Variants in NCOA2 observed in about 807,000 individuals in gnomAD.
NCOA2 encodes class E basic helix-loop-helix protein 75.
In NCOA2, 21 loss-of-function variants were observed where a neutral mutation model predicts 145.1. The ratio of observed to expected loss-of-function variants is 0.14; its 90% CI spans 0.10 to 0.21. The LOEUF (loss-of-function observed/expected upper bound fraction) is 0.21. Among genes scored for constraint, NCOA2 ranks in the 10% least tolerant of loss-of-function variants. The pLI is 1.00. For missense variants in NCOA2, 1,472 were observed against 1,837.6 expected, an observed-to-expected ratio of 0.80 and a Z score of 3.64; for synonymous variants, 619 against 637.5, an observed-to-expected ratio of 0.97 and a Z score of 0.44.
At chr8:70,286,122 A>G (rs1826214182) in intron 2 of NCOA2, among the ~76,000 whole-genome samples, 2 of 152,204 alleles carry the variant, frequency 1.3e-5, no homozygotes, top group African/African-American at 2.4e-5. Flanking sequence ...TGTATAAAAA[A>G]TATTTCCAGG....
At chr8:70,136,422 T>C (rs2131683831) in intron 15 of NCOA2, among the ~76,000 whole-genome samples, 1 of 152,238 alleles carries the variant, frequency 6.6e-6, no homozygotes, top group East Asian at 1.9e-4. Flanking sequence ...AGGAAGTCTT[T>C]CATGAAAGAC....
intron 2 of NCOA2, among the ~76,000 whole-genome samples, chr8:70,236,510 T>G (rs1287053033): frequency 6.6e-6 from 1 of 152,076 alleles, no homozygotes; most frequent in Non-Finnish European, 1.5e-5. Context: ...TATCTTGTCC[T>G]TTTGGGTAAC....
chr8:70,179,709 T>A (rs1815263431), intron 4 of NCOA2, among the ~76,000 whole-genome samples: 1 of 152,176 alleles, frequency 6.6e-6, no homozygotes, highest in African/African-American at 2.4e-5. Flanking sequence ...TAAAAATATA[T>A]TCTGTTACAA....
At chr8:70,449,143 T>C in the NCOA2 span, among the ~76,000 whole-genome samples, 1 of 152,148 alleles carries the variant, frequency 6.6e-6, no homozygotes, top group Non-Finnish European at 1.5e-5. Context: ...TTTCTCAAAA[T>C]GAAGTCAACT....
chr8:70,213,758 T>G (rs1451610776), intron 4 of NCOA2, 145 bp downstream of exon 4: 1 of 704,578 alleles, frequency 1.4e-6, no homozygotes, highest in African/African-American at 1.8e-5. Flanking sequence ...CAAGTGATAC[T>G]TGCATTCATC....
chr8:70,144,618 G>A, intron 13 of NCOA2, 24 bp downstream of exon 13: 1 of 1,578,804 alleles, frequency 6.3e-7, no homozygotes, highest in South Asian at 1.1e-5. Context: ...CACCAATAAA[G>A]TAACAGTGCA....
the NCOA2 span, among the ~76,000 whole-genome samples, chr8:70,426,485 G>A: frequency 0.1 from 15,799 of 152,122 alleles, 939 homozygotes; most frequent in East Asian, 0.19. Flanking sequence ...TATAAACTAA[G>A]AACTGACTAA....
chr8:70,149,350 T>C (rs1811490336), intron 11 of NCOA2, among the ~76,000 whole-genome samples: 1 of 151,698 alleles, frequency 6.6e-6, no homozygotes, highest in African/African-American at 2.4e-5. Context: ...TCCTGCCACC[T>C]GAGCCTCCTC....
chr8:70,422,305 C>G, the NCOA2 span, among the ~76,000 whole-genome samples: 1 of 152,092 alleles, frequency 6.6e-6, no homozygotes, highest in South Asian at 2.1e-4. Flanking sequence ...CCAAGGCAAC[C>G]TGAAGCACCC....
intron 2 of NCOA2, among the ~76,000 whole-genome samples, chr8:70,236,331 C>G (rs1246021322): frequency 2.0e-5 from 3 of 152,180 alleles, no homozygotes; most frequent in African/African-American, 7.2e-5. Flanking sequence ...TCTGTGCTTT[C>G]TCAAACGTAA....
At chr8:70,200,172 A>G (rs1817739158) in intron 4 of NCOA2, among the ~76,000 whole-genome samples, 2 of 152,242 alleles carry the variant, frequency 1.3e-5, no homozygotes, top group African/African-American at 4.8e-5. Flanking sequence ...TATCAGGGAC[A>G]TAAGCATCCA....
chr8:70,200,614 T>C (rs1473598683), intron 4 of NCOA2, among the ~76,000 whole-genome samples: 1 of 152,152 alleles, frequency 6.6e-6, no homozygotes, highest in Non-Finnish European at 1.5e-5. Context: ...GAACAATAAT[T>C]GCTACAACAT....
At chr8:70,204,101 G>A (rs1181984584) in intron 4 of NCOA2, among the ~76,000 whole-genome samples, 1 of 151,920 alleles carries the variant, frequency 6.6e-6, no homozygotes, top group Non-Finnish European at 1.5e-5. Context: ...TCTGCTTCCC[G>A]GGTTCAAGCG....
At chr8:70,405,857 G>T (rs747221240), upstream of NCOA2, among the ~76,000 whole-genome samples, 3 of 151,934 alleles carry the variant, frequency 2.0e-5, no homozygotes, top group Admixed American at 6.6e-5. Context: ...CCAATAAAAC[G>T]TCTTACGACG....
At position 70,110,287 on chromosome 8, in the gene NCOA2, T is replaced by A. The variant is rs994932891; in HGVS notation, c.*3345A>T. 2 of 197,584 alleles carry A rather than the reference T, an allele frequency of 1.0e-5. No individual in the cohort carries two copies. The highest frequency in any genetic ancestry group is 2.1e-5 in the Non-Finnish European group (2 of 95,440). 12.2% of individuals were successfully genotyped at this position (197,584 alleles called of 1,614,324 possible). A position where few individuals can be genotyped will look rare whatever the true frequency, so the allele number is the denominator to read the frequency against. ...TTGTACACAATTCACTATACAAATA[T>A]AATACATCGGACAGCTATGTAGGAA... is the stretch of plus-strand genomic sequence containing the variant. On this transcript the variant is annotated 3_prime_UTR_variant, in exon 23 of 23. Coordinates refer to ENST00000452400, the MANE Select transcript of NCOA2 (RefSeq NM_006540.4).
chr8:70,354,912 A>C (rs1809551606), intron 1 of NCOA2, among the ~76,000 whole-genome samples: 1 of 152,242 alleles, frequency 6.6e-6, no homozygotes, highest in Non-Finnish European at 1.5e-5. Context: ...TACCAATATA[A>C]TGAATTTATT....
At chr8:70,403,327 C>G (rs1177624834) in intron 1 of NCOA2, among the ~76,000 whole-genome samples, 1 of 151,274 alleles carries the variant, frequency 6.6e-6, no homozygotes, top group Non-Finnish European at 1.5e-5. Flanking sequence ...CGCGCCTCGG[C>G]GCTCACCTCT....
intron 16 of NCOA2, among the ~76,000 whole-genome samples, chr8:70,129,832 G>A (rs1433559783): frequency 1.3e-5 from 2 of 152,174 alleles, no homozygotes; most frequent in South Asian, 2.1e-4. Flanking sequence ...CACCAAGCCC[G>A]GCTACTTTTG....
chr8:70,124,892 T>A, intron 19 of NCOA2, 27 bp from the exon 20 acceptor site: 1 of 1,543,554 alleles, frequency 6.5e-7, no homozygotes, highest in Non-Finnish European at 8.7e-7. Context: ...GAAACAGAAA[T>A]CCAAAAGAGA....
Sources: gnomAD v4.1 joint callset for allele counts (sites outside exome capture counted in the v4.1 genomes callset) on GRCh38, gnomAD v4.1.1 for gene constraint, MANE v1.5 for transcripts, NCBI Gene and HGNC (gene_info 2026-07-23, HGNC 2026-07-21) for gene names.